PTPRD: variants seen among roughly 807,000 people sequenced by gnomAD.
PTPRD encodes receptor-type tyrosine-protein phosphatase delta.
PTPRD carries 34 observed loss-of-function variants against 214.5 expected under a neutral mutation model. The ratio of observed to expected loss-of-function variants is 0.16; its 90% confidence interval spans 0.12 to 0.21. The LOEUF is 0.21. PTPRD is among the 10% of genes least tolerant of loss of function. The probability of loss-of-function intolerance (pLI) is 1.00; values close to 1 mark genes in which losing one functional copy is unlikely to be tolerated. For missense variants in PTPRD, 2,545 were observed against 2,398.7 expected, an observed-to-expected ratio of 1.06 and a Z score of -1.27; for synonymous variants, 1,128 against 845.7, an observed-to-expected ratio of 1.33 and a Z score of -5.79.
chr9:9,379,345 G>A (rs1038712740), intron 9 of PTPRD, among the ~76,000 whole-genome samples: 1 of 151,190 alleles, frequency 6.6e-6, no homozygotes, highest in Non-Finnish European at 1.5e-5. Flanking sequence ...CCATTTAATT[G>A]TATTTATGTG....
intron 2 of PTPRD, among the ~76,000 whole-genome samples, chr9:10,528,245 C>T (rs1322373549): frequency 2.6e-5 from 4 of 152,140 alleles, no homozygotes; most frequent in Non-Finnish European, 5.9e-5. Context: ...GGCAGATATC[C>T]TGAGTCTGAT....
intron 10 of PTPRD, among the ~76,000 whole-genome samples, chr9:9,178,304 C>G (rs541851040): frequency 2.0e-5 from 3 of 151,912 alleles, no homozygotes; most frequent in Non-Finnish European, 4.4e-5. Flanking sequence ...TCCTCCTCTC[C>G]TCCCCTTCTC....
At chr9:10,611,299 T>C (rs2080908795) in intron 2 of PTPRD, among the ~76,000 whole-genome samples, 1 of 152,190 alleles carries the variant, frequency 6.6e-6, no homozygotes, top group Non-Finnish European at 1.5e-5. Flanking sequence ...TCCTACTGTA[T>C]CTACTGTATA....
At chr9:9,421,499 T>C (rs1440009157) in intron 8 of PTPRD, among the ~76,000 whole-genome samples, 2 of 152,120 alleles carry the variant, frequency 1.3e-5, no homozygotes, top group Non-Finnish European at 2.9e-5. Context: ...GCCTCACCTG[T>C]GGTACTGCCA....
At chr9:8,545,360 T>C (rs930683879) in intron 14 of PTPRD, among the ~76,000 whole-genome samples, 1 of 152,236 alleles carries the variant, frequency 6.6e-6, no homozygotes, top group Non-Finnish European at 1.5e-5. Context: ...CGGGGGTACC[T>C]GGACTCCAGG....
intron 7 of PTPRD, among the ~76,000 whole-genome samples, chr9:9,606,078 T>C (rs904357914): frequency 6.6e-6 from 1 of 152,080 alleles, no homozygotes; most frequent in Non-Finnish European, 1.5e-5. Flanking sequence ...AAGACTAGAA[T>C]GAATTTTCCT....
chr9:10,113,009 T>G (rs1273677011), intron 3 of PTPRD, among the ~76,000 whole-genome samples: 1 of 152,214 alleles, frequency 6.6e-6, no homozygotes, highest in Non-Finnish European at 1.5e-5. Context: ...CAGGAAGGCT[T>G]GACTCTGCCA....
chr9:9,960,273 G>A (rs189766043), intron 4 of PTPRD, among the ~76,000 whole-genome samples: 1 of 149,360 alleles, frequency 6.7e-6, no homozygotes, highest in Admixed American at 6.7e-5. Context: ...AACTGGGATA[G>A]CTCCCAATGG....
At chr9:8,948,469 A>ATATATATTTATATATTTATATATATATT (rs1567182693) in intron 11 of PTPRD, among the ~76,000 whole-genome samples, 1 of 7,044 alleles carries the variant, frequency 1.4e-4, no homozygotes, top group African/African-American at 3.8e-4. Context: ...ATATATTTAC[A>ATATATATTTATATATTTATATATATATT]TATATATATA....
chr9:10,504,115 C>CAACAAAAAAAAAAAAAAAAAAAA (rs1555439817), intron 2 of PTPRD, among the ~76,000 whole-genome samples: 1 of 26,970 alleles, frequency 3.7e-5, no homozygotes, highest in African/African-American at 1.8e-4. Context: ...GACTCTGTCT[C>CAACAAAAAAAAAAAAAAAAAAAA]AAAAAAAAAA....
chr9:9,031,966 G>T (rs1038923609), intron 10 of PTPRD, among the ~76,000 whole-genome samples: 2 of 151,838 alleles, frequency 1.3e-5, no homozygotes, highest in Admixed American at 6.6e-5. Context: ...ATTTATTAAG[G>T]ATAATCACAT....
intron 14 of PTPRD, among the ~76,000 whole-genome samples, chr9:8,580,875 A>C (rs1031874583): frequency 6.6e-6 from 1 of 152,256 alleles, no homozygotes; most frequent in Non-Finnish European, 1.5e-5. Context: ...CTGTGGAAGT[A>C]GGAAGCCAAA....
chr9:9,627,246 G>A (rs780739303), intron 7 of PTPRD, among the ~76,000 whole-genome samples: 1 of 152,218 alleles, frequency 6.6e-6, no homozygotes, highest in Non-Finnish European at 1.5e-5. Flanking sequence ...AGCAGAGGTT[G>A]CACTGAGCCG....
intron 5 of PTPRD, among the ~76,000 whole-genome samples, chr9:9,916,093 A>C (rs544251673): frequency 2.7e-5 from 4 of 149,626 alleles, no homozygotes; most frequent in East Asian, 2.0e-4. Flanking sequence ...AAAAAAAAAA[A>C]CAAAAAACTG....
intron 14 of PTPRD, among the ~76,000 whole-genome samples, chr9:8,624,471 C>G (rs547099721): frequency 6.6e-6 from 1 of 151,966 alleles, no homozygotes; most frequent in South Asian, 2.1e-4. Flanking sequence ...TACTGAATTA[C>G]TATGTGCCTA....
At chr9:10,437,672 A>G (rs555866437) in intron 2 of PTPRD, among the ~76,000 whole-genome samples, 35 of 151,800 alleles carry the variant, frequency 2.3e-4, no homozygotes, top group African/African-American at 8.4e-4. Flanking sequence ...CCTACAGTGT[A>G]AGACCTTGTG....
At chr9:9,421,702 A>G (rs2078866726) in intron 8 of PTPRD, among the ~76,000 whole-genome samples, 1 of 152,114 alleles carries the variant, frequency 6.6e-6, no homozygotes, top group South Asian at 2.1e-4. Context: ...TACTAACCAA[A>G]AGAAAATATT....
intron 43 of PTPRD, among the ~76,000 whole-genome samples, chr9:8,333,901 T>A (rs906362041): frequency 6.6e-6 from 1 of 151,712 alleles, no homozygotes; most frequent in Admixed American, 6.6e-5. Flanking sequence ...ATAAAACTGA[T>A]GACTTTAAAC....
intron 9 of PTPRD, among the ~76,000 whole-genome samples, chr9:9,243,551 C>T (rs1049763013): frequency 2.0e-5 from 3 of 152,156 alleles, no homozygotes; most frequent in Non-Finnish European, 4.4e-5. Context: ...ACATGATTAT[C>T]TCAATAGATT....
Sources: gnomAD v4.1 joint callset for allele counts (sites outside exome capture counted in the v4.1 genomes callset) on GRCh38, gnomAD v4.1.1 for gene constraint, MANE v1.5 for transcripts, NCBI Gene and HGNC (gene_info 2026-07-23, HGNC 2026-07-21) for gene names.